Variants in SLC18A1 observed in about 807,000 individuals in gnomAD.
SLC18A1 encodes solute carrier family 18 member A1, also known as chromaffin granule amine transporter.
In SLC18A1, 69 loss-of-function variants were observed where a neutral mutation model predicts 53.7. That is an observed-to-expected ratio of 1.28 (90% CI 1.06 to 1.57). The LOEUF (loss-of-function observed/expected upper bound fraction) is 1.57, where lower values mean the gene tolerates loss of function less well. Ranked by LOEUF, SLC18A1 falls within the 40% of genes most tolerant of loss-of-function variation. The pLI is 0.00. For missense variants in SLC18A1, 932 were observed against 668.1 expected, an observed-to-expected ratio of 1.40 and a Z score of -4.35; for synonymous variants, 320 against 248.1, an observed-to-expected ratio of 1.29 and a Z score of -2.72.
At chr8:20,167,760 A>G (rs1162038474) in intron 8 of SLC18A1, among the ~76,000 whole-genome samples, 1 of 151,892 alleles carries the variant, frequency 6.6e-6, no homozygotes, top group Non-Finnish European at 1.5e-5. Context: ...AGCTGGGACT[A>G]CAGGCACCCA....
In SLC18A1 at chr8:20,161,161, T is replaced by A. The variant is rs148411193; in HGVS notation, c.1015+3708A>T. On this transcript the variant is annotated intron_variant, in intron 10 of 15. Coordinates refer to ENST00000276373, the MANE Select transcript of SLC18A1 (RefSeq NM_003053.4). ...TCAGAAGTCTTAAGTGGTTCCAGTG[T>A]AAACTCAAAAGTCCAAAATCCAGAG... Among the ~76,000 whole-genome samples, 26 of 152,310 alleles carry A rather than the reference T, an allele frequency of 1.7e-4. No individual in the cohort carries two copies. The East Asian group carries it at 4.2e-3, about 25-fold the overall frequency.
At chr8:20,167,273 T>G (rs1319451310) in intron 8 of SLC18A1, among the ~76,000 whole-genome samples, 1 of 152,166 alleles carries the variant, frequency 6.6e-6, no homozygotes, top group Non-Finnish European at 1.5e-5. Flanking sequence ...TCATTAAGTC[T>G]AAGGGAAAAA....
chr8:20,160,648 T>G (rs571573648), intron 10 of SLC18A1, among the ~76,000 whole-genome samples: 1 of 152,230 alleles, frequency 6.6e-6, no homozygotes, highest in Non-Finnish European at 1.5e-5. Flanking sequence ...GAAAAATACC[T>G]ACTTTTTTAC....
intron 4 of SLC18A1, among the ~76,000 whole-genome samples, chr8:20,176,920 T>A (rs1191899983): frequency 1.3e-5 from 2 of 152,182 alleles, no homozygotes; most frequent in Admixed American, 6.5e-5. Context: ...GCACACCGCA[T>A]TGTCTTACTT....
chr8:20,159,581 C>T (rs146641227), intron 10 of SLC18A1, among the ~76,000 whole-genome samples: 13 of 144,746 alleles, frequency 9.0e-5, no homozygotes, highest in Admixed American at 2.9e-4. Flanking sequence ...CCCTTTGGGC[C>T]GCCTCCCATT....
chr8:20,148,723 C>T (rs904044750), intron 12 of SLC18A1, among the ~76,000 whole-genome samples: 1 of 152,154 alleles, frequency 6.6e-6, no homozygotes, highest in African/African-American at 2.4e-5. Flanking sequence ...AAACCTGCTA[C>T]CCCAGGACAC....
chr8:20,162,619 T>C (rs1198615485), intron 10 of SLC18A1, among the ~76,000 whole-genome samples: 2 of 152,232 alleles, frequency 1.3e-5, no homozygotes, highest in African/African-American at 4.8e-5. Flanking sequence ...AGGTTATGGA[T>C]ACAAGTCTGC....
intron 10 of SLC18A1, among the ~76,000 whole-genome samples, chr8:20,157,469 T>C (rs1309531013): frequency 2.0e-5 from 3 of 152,072 alleles, no homozygotes; most frequent in Non-Finnish European, 2.9e-5. Context: ...GCCGCAGACA[T>C]TTGCTAACTT....
Position 20,165,058 on chromosome 8 carries a change from A to G in SLC18A1, c.908T>C (p.Leu303Pro). ...LFMLLKDPYI[L>P]VAAGSICFAN... ...CATCGCCAGCTTACCTGCAGCCACC[A>G]GGATGTAAGGGTCTTTGAGAAGCAT... The change falls in exon 9 of 16, where the codon CTG becomes CCG. Residue 303 changes from leucine (L) to proline (P), a missense_variant. Coordinates refer to ENST00000276373, the MANE Select transcript of SLC18A1 (RefSeq NM_003053.4). 1 of 1,614,232 alleles carries G rather than the reference A, an allele frequency of 6.2e-7. No homozygotes were observed. The highest frequency in any genetic ancestry group is 8.5e-7 in the Non-Finnish European group (1 of 1,180,028).
chr8:20,179,843 C>A (rs2072375730), intron 2 of SLC18A1, among the ~76,000 whole-genome samples: 2 of 152,178 alleles, frequency 1.3e-5, no homozygotes, highest in South Asian at 4.1e-4. Context: ...TGTAACCCCC[C>A]AAACCAACAC....
At chr8:20,170,442 T>C (rs1223367971) in intron 8 of SLC18A1, among the ~76,000 whole-genome samples, 3 of 152,198 alleles carry the variant, frequency 2.0e-5, no homozygotes, top group Non-Finnish European at 4.4e-5. Flanking sequence ...CCGGAATACC[T>C]TGACAAGCTG....
chr8:20,147,844 C>T, intron 13 of SLC18A1, 122 bp from the exon 14 acceptor site: 1 of 1,482,658 alleles, frequency 6.7e-7, no homozygotes. Flanking sequence ...AACACCTGTT[C>T]CAGGTGGGAA....
At position 20,171,128 on chromosome 8, in the gene SLC18A1, A is replaced by G; in HGVS notation, c.833T>C (p.Leu278Pro). 1.2e-6 allele frequency: 2 copies of G among 1,614,210 alleles called. No homozygotes were observed. Among genetic ancestry groups the G allele is most frequent in the South Asian group, 1.1e-5 (1 of 91,086 alleles). ...LLDGALQLCI[L>P]QPSKVSPESA... ...CTCAGGAGAGACTTTGGAAGGCTGT[A>G]GGATGCAAAGCTGGAGTGCTAAGAA... The change falls in exon 8 of 16, where the codon CTA becomes CCA. Residue 278 changes from leucine (L) to proline (P), a missense_variant. Physicochemically the swap from Leu to Pro is moderately conservative, Grantham distance 98. Coordinates refer to ENST00000276373, the MANE Select transcript of SLC18A1 (RefSeq NM_003053.4).
chr8:20,172,848 GA>G (rs1178023083), intron 6 of SLC18A1, among the ~76,000 whole-genome samples, 187 bp downstream of exon 6: 1 of 152,140 alleles, frequency 6.6e-6, no homozygotes, highest in Non-Finnish European at 1.5e-5. Context: ...ACCTTTCTCC[GA>G]CGTTTATGTG....
intron 12 of SLC18A1, among the ~76,000 whole-genome samples, chr8:20,149,027 C>G (rs2071477497): frequency 6.6e-6 from 1 of 152,090 alleles, no homozygotes; most frequent in Non-Finnish European, 1.5e-5. Flanking sequence ...ATCCCATGCT[C>G]CTGCTCAGGA....
chr8:20,149,794 C>T (rs191634050), intron 11 of SLC18A1, 67 bp from the exon 12 acceptor site: 42 of 1,475,358 alleles, frequency 2.8e-5, no homozygotes, highest in East Asian at 2.3e-4. Flanking sequence ...ACCCCATCAC[C>T]GCCATGCTGA....
chr8:20,149,492 C>G (rs139992603), intron 12 of SLC18A1, among the ~76,000 whole-genome samples, 184 bp downstream of exon 12: 1 of 152,182 alleles, frequency 6.6e-6, no homozygotes, highest in Non-Finnish European at 1.5e-5. Context: ...CCTGCCTATT[C>G]AGAAACAGTC....
Position 20,180,997 on chromosome 8 carries a change from C to T in SLC18A1, c.-33G>A, listed in dbSNP as rs17215696. On this transcript the variant is annotated 5_prime_UTR_variant, in exon 2 of 16. Transcript: ENST00000276373. ...GCCGGACTGGGGCAGTCTTCCCCTGCGGGCTCTTAGGGAAGGTCCTGTGAC... is the reference window on the plus strand; with the variant it reads ...GCCGGACTGGGGCAGTCTTCCCCTGTGGGCTCTTAGGGAAGGTCCTGTGAC... The T allele has an allele frequency of 1.6e-4, 255 of 1,549,968 alleles. No individual in the cohort carries two copies. The highest frequency in any genetic ancestry group is 1.5e-3 in the Middle Eastern group (9 of 5,978).
At chr8:20,150,583 G>T in intron 11 of SLC18A1, 83 bp downstream of exon 11, 3 of 1,184,812 alleles carry the variant, frequency 2.5e-6, no homozygotes, top group East Asian at 2.3e-5. Context: ...CCGTATGGAA[G>T]CTGTTCATCA....
Sources: allele counts gnomAD v4.1 joint callset (sites outside exome capture counted in the v4.1 genomes callset), GRCh38; gene constraint gnomAD v4.1.1; transcripts MANE v1.5; gene names NCBI Gene and HGNC (gene_info 2026-07-23, HGNC 2026-07-21).